DET1: variants seen among roughly 807,000 people sequenced by gnomAD.
The protein encoded by DET1 is DET1 partner of COP1 E3 ubiquitin ligase.
A neutral mutation model predicts 43.7 loss-of-function variants in DET1; 22 were observed. The observed-to-expected ratio is 0.50, with a 90% CI of 0.36 to 0.72. The LOEUF (loss-of-function observed/expected upper bound fraction) is 0.72, where lower values mean the gene tolerates loss of function less well. Among genes scored for constraint, DET1 ranks in the 30% least tolerant of loss-of-function variants. The pLI, the probability that DET1 is intolerant of heterozygous loss-of-function variation, is 0.00. For synonymous variants in DET1, 315 were observed against 266.2 expected, an observed-to-expected ratio of 1.18 and a Z score of -1.79; for missense variants, 713 against 713.3, an observed-to-expected ratio of 1.00 and a Z score of 0.00.
chr15:88,519,265 C>T (rs1022698780), intron 3 of DET1, among the ~76,000 whole-genome samples: 2 of 152,180 alleles, frequency 1.3e-5, no homozygotes, highest in Non-Finnish European at 2.9e-5. Flanking sequence ...GATGTCTTCA[C>T]ACTTTAGTTC....
intron 1 of DET1, among the ~76,000 whole-genome samples, chr15:88,539,323 G>C (rs2057036147): frequency 6.6e-6 from 1 of 151,916 alleles, no homozygotes; most frequent in Admixed American, 6.6e-5. Flanking sequence ...ATCGGACATA[G>C]CTCGATCCAA....
At chr15:88,510,223 T>C (rs191175252), downstream of DET1, among the ~76,000 whole-genome samples, 1 of 152,208 alleles carries the variant, frequency 6.6e-6, no homozygotes, top group Admixed American at 6.5e-5. Context: ...GTGGGCAGTT[T>C]GAGGTGATAA....
intron 1 of DET1, 109 bp downstream of exon 1, chr15:88,546,431 G>C (rs1207871975): frequency 6.6e-6 from 1 of 152,372 alleles, no homozygotes; most frequent in Non-Finnish European, 1.5e-5. Context: ...AGAATGCTGA[G>C]GGAGGGCGGG....
At chr15:88,540,138 TCCTTGAAC>T (rs537470541) in intron 1 of DET1, among the ~76,000 whole-genome samples, 144 of 152,152 alleles carry the variant, frequency 9.5e-4, no homozygotes, top group African/African-American at 3.3e-3. Flanking sequence ...CTGCTCTCGC[TCCTTGAAC>T]CCTTGAAAGA....
chr15:88,503,569 G>A (rs2056109209), intron 8 of DET1: 1 of 152,232 alleles, frequency 6.6e-6, no homozygotes, highest in Middle Eastern at 3.4e-3. Context: ...ATCTCTCTAA[G>A]GTCAGTTTCC....
intron 1 of DET1, among the ~76,000 whole-genome samples, chr15:88,538,965 A>G (rs1358466799): frequency 6.6e-6 from 1 of 151,916 alleles, no homozygotes; most frequent in East Asian, 1.9e-4. Context: ...TACTGGGTTG[A>G]GCCTTGGTTT....
At chr15:88,528,363 G>A (rs1200086837) in intron 2 of DET1, among the ~76,000 whole-genome samples, 1 of 152,106 alleles carries the variant, frequency 6.6e-6, no homozygotes, top group Non-Finnish European at 1.5e-5. Context: ...TAAGTACATC[G>A]AGTTCTAAAC....
At chr15:88,535,914 G>T (rs577923649) in intron 1 of DET1, among the ~76,000 whole-genome samples, 11 of 152,102 alleles carry the variant, frequency 7.2e-5, no homozygotes, top group Non-Finnish European at 1.6e-4. Flanking sequence ...AATTCAAAAG[G>T]TTCAGAGACC....
intron 2 of DET1, among the ~76,000 whole-genome samples, chr15:88,528,930 G>A (rs1160050664): frequency 2.0e-5 from 3 of 152,138 alleles, no homozygotes; most frequent in East Asian, 1.9e-4. Flanking sequence ...TAATATTACC[G>A]AGGCCTTGTG....
intron 3 of DET1, among the ~76,000 whole-genome samples, chr15:88,522,512 GTT>G (rs55764530): frequency 0.016 from 1,297 of 80,356 alleles, 79 homozygotes; most frequent in African/African-American, 0.06. Context: ...AATGTTCCTG[GTT>G]TTTTTTTTTT....
Position 88,512,653 on chromosome 15 carries a change from A to C in DET1, c.*298T>G. On this transcript the variant is annotated 3_prime_UTR_variant, in exon 5 of 5. Coordinates refer to ENST00000268148, the MANE Select transcript of DET1 (RefSeq NM_001144074.3). ...AAGGGGATAAAAGTCTAATGCTTTC[A>C]TCTTCACAGCAATCAAATGCAAAGT... 8.8e-7 allele frequency: 1 copy of C among 1,134,606 alleles called. No individual in the cohort carries two copies. The highest frequency in any genetic ancestry group is 4.8e-5 in the East Asian group (1 of 20,944). The allele number at this position is 1,134,606 out of a possible 1,614,324, so 70.3% of individuals were successfully genotyped here.
intron 3 of DET1, among the ~76,000 whole-genome samples, chr15:88,522,078 C>T (rs772622673): frequency 7.2e-5 from 11 of 152,142 alleles, no homozygotes; most frequent in Non-Finnish European, 1.6e-4. Context: ...ATAGTATTTA[C>T]ACCATATAGA....
At chr15:88,512,210 A>G (rs146068300), downstream of DET1, 59 of 310,446 alleles carry the variant, frequency 1.9e-4, no homozygotes, top group African/African-American at 1.3e-3. Flanking sequence ...CCTGCATGAC[A>G]CAGATGGTAC....
chr15:88,536,682 A>T (rs554838701), intron 1 of DET1, among the ~76,000 whole-genome samples: 1 of 149,750 alleles, frequency 6.7e-6, no homozygotes, highest in African/African-American at 2.5e-5. Flanking sequence ...GAGGCAGGAG[A>T]ACTGCTTGAA....
intron 1 of DET1, among the ~76,000 whole-genome samples, chr15:88,534,776 A>G (rs2056905377): frequency 6.6e-6 from 1 of 152,222 alleles, no homozygotes; most frequent in Non-Finnish European, 1.5e-5. Flanking sequence ...GCCTAAAGAG[A>G]GTTACAAATT....
At chr15:88,507,809 T>C (rs79586073), downstream of DET1, among the ~76,000 whole-genome samples, 1 of 152,192 alleles carries the variant, frequency 6.6e-6, no homozygotes, top group East Asian at 1.9e-4. Context: ...ATAGATGACA[T>C]GGCTGATTAC....
intron 3 of DET1, among the ~76,000 whole-genome samples, chr15:88,524,096 A>G (rs1287452723): frequency 7.4e-6 from 1 of 134,880 alleles, no homozygotes; most frequent in African/African-American, 2.9e-5. Context: ...CCGCCGCCCC[A>G]TCTGGGATGT....
At chr15:88,530,581 C>T in intron 2 of DET1, 42 bp downstream of exon 2, 1 of 1,533,378 alleles carries the variant, frequency 6.5e-7, no homozygotes, top group Non-Finnish European at 8.8e-7. Flanking sequence ...CCCATTTTGC[C>T]AAGGAGATTA....
rs373555752 is a variant in DET1 at position 88,504,632 on chromosome 15, CA to C, written c.*2066-646del. ...GAGAACACGTCTTTCATATGCAAAC[CA>C]ACCAATCCAGAGCCCACACCTCAAG... On this transcript the variant is annotated intron_variant and NMD_transcript_variant, in intron 7 of 8. Coordinates refer to the DET1 transcript ENST00000557842. The surrounding 1 kb of genome is among the most constrained non-coding windows in gnomAD (Gnocchi z 4.7). The C allele has an allele frequency of 4.0e-3, 605 of 152,212 alleles. 4 individuals are homozygous for C. The highest frequency in any genetic ancestry group is 0.014 in the African/African-American group (577 of 41,500). The allele number at this position is 152,212 out of a possible 1,614,324, so 9.4% of individuals were successfully genotyped here.
Sources: gnomAD v4.1 joint callset for allele counts (sites outside exome capture counted in the v4.1 genomes callset) on GRCh38, gnomAD v4.1.1 for gene constraint, Gnocchi (gnomAD v3.1) non-coding constraint, MANE v1.5 for transcripts, NCBI Gene and HGNC (gene_info 2026-07-23, HGNC 2026-07-21) for gene names.